The following ALDH18A1 variants were observed in gnomAD, a reference collection of about 807,000 sequenced individuals.
ALDH18A1 encodes the protein delta-1-pyrroline-5-carboxylate synthase.
Under a neutral mutation model 88.8 loss-of-function variants are expected in ALDH18A1, and 44 were observed. The observed-to-expected ratio is 0.50, with a 90% CI of 0.39 to 0.64. ALDH18A1 has a LOEUF of 0.64. Among genes scored for constraint, ALDH18A1 ranks in the 30% least tolerant of loss-of-function variants. The pLI is 0.00. For missense variants in ALDH18A1, 782 were observed against 1,009.5 expected, an observed-to-expected ratio of 0.77 and a Z score of 3.05; for synonymous variants, 331 against 372.1, an observed-to-expected ratio of 0.89 and a Z score of 1.27.
At chr10:95,626,590 A>G (rs932590725) in intron 10 of ALDH18A1, 113 bp downstream of exon 10, 11 of 992,586 alleles carry the variant, frequency 1.1e-5, no homozygotes, top group Admixed American at 9.6e-5. Flanking sequence ...TGTAACTCAG[A>G]TAACTCTGTG....
chr10:95,616,601 G>A lies in ALDH18A1; in HGVS notation c.1481C>T (p.Ala494Val), dbSNP rs762154638. The A allele has an allele frequency of 1.2e-6, 2 of 1,606,722 alleles. No homozygotes were observed. The highest frequency in any genetic ancestry group is 3.4e-5 in the Admixed American group (2 of 58,988). The part of the protein sequence containing the change: ...PDCLPQVAAL[A>V]IASGNGLLLK... ...TAACAAGCCATTGCCACTTGCGATAGCCAAAGCTGCCACCTGCAGATCAAA... is the reference window on the plus strand; with the variant it reads ...TAACAAGCCATTGCCACTTGCGATAACCAAAGCTGCCACCTGCAGATCAAA... The change falls in exon 13 of 18, where the codon GCT becomes GTT. Residue 494 changes from alanine (A) to valine (V), a missense_variant. Ala to Val is a moderately conservative substitution (Grantham distance 64). Around this residue, in one of 3 missense-constraint regions of ALDH18A1, gnomAD observed 556 missense variants for 654.5 expected, o/e 0.85. Coordinates refer to ENST00000371224, the MANE Select transcript of ALDH18A1 (RefSeq NM_002860.4).
chr10:95,629,921 C>T (rs2097865732), intron 7 of ALDH18A1, among the ~76,000 whole-genome samples: 1 of 149,642 alleles, frequency 6.7e-6, no homozygotes, highest in African/African-American at 2.4e-5. Flanking sequence ...ATAAATTAAT[C>T]TCAAAACCTT....
intron 15 of ALDH18A1, among the ~76,000 whole-genome samples, chr10:95,611,732 G>C (rs1030590954): frequency 6.6e-6 from 1 of 152,110 alleles, no homozygotes; most frequent in Non-Finnish European, 1.5e-5. Flanking sequence ...AGTACTTTGG[G>C]AGGCTGAGAC....
At chr10:95,654,412 C>T (rs748066129) in intron 1 of ALDH18A1, among the ~76,000 whole-genome samples, 8 of 152,100 alleles carry the variant, frequency 5.3e-5, no homozygotes, top group African/African-American at 1.9e-4. Context: ...ATCCACCCAC[C>T]TCGGCCTCCC....
intron 10 of ALDH18A1, among the ~76,000 whole-genome samples, chr10:95,626,445 T>C (rs1316599886): frequency 1.3e-5 from 2 of 152,180 alleles, no homozygotes; most frequent in Non-Finnish European, 2.9e-5. Context: ...ACCTTTCTAA[T>C]CTCATCATTT....
In ALDH18A1 at chr10:95,606,918, C is replaced by G. The variant is rs148601288; in HGVS notation, c.2232G>C (p.Ser744=). 45 of 1,613,974 alleles carry G rather than the reference C, an allele frequency of 2.8e-5. No individual in the cohort carries two copies. The highest frequency in any genetic ancestry group is 3.6e-5 in the Non-Finnish European group (42 of 1,180,012). Residue 744 remains serine (S), a synonymous_variant, in exon 18 of 18, where the codon TCG becomes TCC. Coordinates refer to ENST00000371224, the MANE Select transcript of ALDH18A1 (RefSeq NM_002860.4). ...GLGAEVGIST[S]RIHARGPVGL... is the part of the protein sequence containing the mutation. Reference sequence around the variant, plus strand: ...CTACTGGTCCCCGGGCGTGGATTCTCGATGTACTGATTCCCACTTCAGCTC... The same window carrying G: ...CTACTGGTCCCCGGGCGTGGATTCTGGATGTACTGATTCCCACTTCAGCTC...
intron 3 of ALDH18A1, among the ~76,000 whole-genome samples, chr10:95,640,330 G>T: frequency 6.7e-6 from 1 of 149,170 alleles, no homozygotes; most frequent in African/African-American, 2.5e-5. Flanking sequence ...TTGTTGTATT[G>T]TGCAGTGATT....
chr10:95,616,351 C>T (rs2097844119), intron 13 of ALDH18A1, 126 bp downstream of exon 13: 5 of 1,334,318 alleles, frequency 3.7e-6, no homozygotes, highest in East Asian at 2.5e-5. Flanking sequence ...GGCTCACAGG[C>T]CTGCTGGAGT....
Position 95,632,488 on chromosome 10 carries a change from C to T in ALDH18A1, c.808+471G>A, listed in dbSNP as rs376950889. ...CCAAGTGAACCTTCTGCTTCAGCCC[C>T]GAGTAGCTGGAACCGCAGGCGCATA... On this transcript the variant is annotated intron_variant, in intron 7 of 17. Transcript: ENST00000371224. 4.4e-3 allele frequency among the ~76,000 whole-genome samples: 677 copies of T among 152,290 alleles called. 2 individuals are homozygous for T. The highest frequency in any genetic ancestry group is 0.02 in the Middle Eastern group (6 of 294).
chr10:95,621,641 C>A (rs2097852822), intron 11 of ALDH18A1, among the ~76,000 whole-genome samples: 1 of 152,012 alleles, frequency 6.6e-6, no homozygotes, highest in Non-Finnish European at 1.5e-5. Context: ...TTTTACTGAA[C>A]ATGTGGGACT....
At chr10:95,648,085 T>C (rs568171541) in intron 2 of ALDH18A1, among the ~76,000 whole-genome samples, 2 of 152,278 alleles carry the variant, frequency 1.3e-5, no homozygotes, top group South Asian at 4.2e-4. Flanking sequence ...AGCCAGTCAG[T>C]CAGAAGTTCC....
At chr10:95,628,538 C>T in intron 7 of ALDH18A1, 46 bp from the exon 8 acceptor site, 1 of 1,604,738 alleles carries the variant, frequency 6.2e-7, no homozygotes, top group Non-Finnish European at 8.5e-7. Flanking sequence ...ATGGAAGTGT[C>T]TCCAAGACAG....
At chr10:95,648,653 G>C (rs2097905024) in intron 2 of ALDH18A1, among the ~76,000 whole-genome samples, 1 of 152,142 alleles carries the variant, frequency 6.6e-6, no homozygotes, top group African/African-American at 2.4e-5. Context: ...AGGACTTGTA[G>C]CTACCATGCT....
At chr10:95,654,584 C>T (rs1212867182) in intron 1 of ALDH18A1, among the ~76,000 whole-genome samples, 4 of 151,664 alleles carry the variant, frequency 2.6e-5, no homozygotes, top group South Asian at 4.2e-4. Flanking sequence ...TAGCATTTAG[C>T]CCCATAGTGA....
chr10:95,632,642 G>A (rs1238808969), intron 7 of ALDH18A1, among the ~76,000 whole-genome samples: 1 of 152,210 alleles, frequency 6.6e-6, no homozygotes, highest in South Asian at 2.1e-4. Context: ...GGGATTATAG[G>A]TGTGAGCCAC....
intron 11 of ALDH18A1, among the ~76,000 whole-genome samples, chr10:95,622,848 T>A (rs1406631112): frequency 2.0e-5 from 3 of 152,122 alleles, no homozygotes; most frequent in East Asian, 3.8e-4. Flanking sequence ...AGAATTTTTT[T>A]AAAAAACAGT....
intron 3 of ALDH18A1, among the ~76,000 whole-genome samples, chr10:95,641,412 G>C (rs1352521164): frequency 6.6e-6 from 1 of 151,038 alleles, no homozygotes; most frequent in Admixed American, 6.7e-5. Flanking sequence ...TCACAGTGTA[G>C]TCTCTTGATA....
At chr10:95,654,166 CTTTT>C (rs34306795) in intron 1 of ALDH18A1, among the ~76,000 whole-genome samples, 5 of 138,438 alleles carry the variant, frequency 3.6e-5, no homozygotes, top group Admixed American at 7.3e-5. Context: ...ATTATTGTAG[CTTTT>C]TTTTTTTTTT....
At chr10:95,623,854 T>C (rs959796337) in intron 11 of ALDH18A1, among the ~76,000 whole-genome samples, 3 of 152,124 alleles carry the variant, frequency 2.0e-5, no homozygotes, top group East Asian at 1.9e-4. Context: ...CGTGAGCCAC[T>C]GCGCCTAGCT....
Sources: allele counts gnomAD v4.1 joint callset (sites outside exome capture counted in the v4.1 genomes callset), GRCh38; gene constraint gnomAD v4.1.1; regional missense constraint gnomAD v4.1.1; transcripts MANE v1.5; gene names NCBI Gene and HGNC (gene_info 2026-07-23, HGNC 2026-07-21).